Variants in NHS observed in about 807,000 individuals in gnomAD.
NHS encodes actin remodeling regulator NHS.
A neutral mutation model predicts 72.5 loss-of-function variants in NHS; 5 were observed. That is an observed-to-expected ratio of 0.07 (90% CI 0.04 to 0.14). The LOEUF (loss-of-function observed/expected upper bound fraction) is 0.14, where lower values mean the gene tolerates loss of function less well. Among genes scored for constraint, NHS ranks in the 10% least tolerant of loss-of-function variants. NHS has a pLI of 1.00. For missense variants in NHS, 1,072 were observed against 1,355.7 expected, an observed-to-expected ratio of 0.79 and a Z score of 3.29; for synonymous variants, 464 against 547.7, an observed-to-expected ratio of 0.85 and a Z score of 2.13.
intron 1 of NHS, among the ~76,000 whole-genome samples, chrX:17,475,843 C>G: frequency 1.8e-5 from 2 of 112,143 alleles, no homozygotes; most frequent in Non-Finnish European, 3.8e-5. Context: ...TCGCCTCGTC[C>G]TTTTCCTATC....
At chrX:17,515,127 G>A (rs1461100662) in intron 1 of NHS, among the ~76,000 whole-genome samples, 2 of 111,886 alleles carry the variant, frequency 1.8e-5, no homozygotes, top group Non-Finnish European at 1.9e-5. Flanking sequence ...TGGATTCTTT[G>A]TCAAACATAC....
intron 1 of NHS, among the ~76,000 whole-genome samples, chrX:17,651,475 T>C (rs898028728): frequency 1.8e-5 from 2 of 112,223 alleles, no homozygotes; most frequent in African/African-American, 3.2e-5. Context: ...ACCCCCAATA[T>C]TTCAGTGTCT....
intron 3 of NHS, among the ~76,000 whole-genome samples, chrX:17,711,518 TA>T (rs1360188747): frequency 8.9e-6 from 1 of 112,222 alleles, no homozygotes; most frequent in East Asian, 2.8e-4. Flanking sequence ...TATATAAAAT[TA>T]TTTTGCATTC....
chrX:17,682,009 C>G (rs1569307781), intron 1 of NHS, among the ~76,000 whole-genome samples: 1 of 110,873 alleles, frequency 9.0e-6, no homozygotes, highest in Non-Finnish European at 1.9e-5. Flanking sequence ...AGGAAAGACT[C>G]TGGGAAACTG....
Position 17,409,832 on chromosome X carries a change from C to G in NHS, c.565+33510C>G, listed in dbSNP as rs180951214. Among the ~76,000 whole-genome samples the G allele has an allele frequency of 1.4e-3, 156 of 112,073 alleles. 1 individual carries two copies. Among genetic ancestry groups the G allele is most frequent in the African/African-American group, 4.7e-3 (146 of 30,872 alleles). The stretch of plus-strand genomic sequence containing the variant: ...TTACTAAGAAGGAGGAGAGCTAAAG[C>G]TTTCCTTTGGCAAATGGCACTGATT... On this transcript the variant is annotated intron_variant, in intron 1 of 8. Coordinates refer to ENST00000676302, the MANE Select transcript of NHS (RefSeq NM_001291867.2).
At chrX:17,634,432 A>G (rs1197896278) in intron 1 of NHS, among the ~76,000 whole-genome samples, 1 of 110,783 alleles carries the variant, frequency 9.0e-6, no homozygotes, top group Non-Finnish European at 1.9e-5. Flanking sequence ...CTCGTCTCCC[A>G]CTCTTCATTA....
At chrX:17,425,568 AAAAGAAAGAAAG>A (rs1474964907) in intron 1 of NHS, among the ~76,000 whole-genome samples, 6 of 77,081 alleles carry the variant, frequency 7.8e-5, no homozygotes, top group South Asian at 1.2e-3. Context: ...AAAAAAAAAA[AAAAGAAAGAAAG>A]AAAGAAAGAA....
At chrX:17,495,011 A>G (rs1376906796) in intron 1 of NHS, among the ~76,000 whole-genome samples, 1 of 111,952 alleles carries the variant, frequency 8.9e-6, no homozygotes, top group African/African-American at 3.2e-5. Flanking sequence ...CTTACTTCTA[A>G]ACTCACATTT....
At position 17,734,799 on chromosome X, in the gene NHS, C is replaced by T. The variant is rs982709834; in HGVS notation, c.*2335C>T. 10 of 111,969 alleles carry T rather than the reference C, an allele frequency of 8.9e-5. No homozygotes were observed. The highest frequency in any genetic ancestry group is 1.9e-4 in the Non-Finnish European group (10 of 53,160). The allele number at this position is 111,969 out of a possible 1,213,427, so 9.2% of individuals were successfully genotyped here. On this transcript the variant is annotated 3_prime_UTR_variant, in exon 9 of 9. Coordinates refer to ENST00000676302, the MANE Select transcript of NHS (RefSeq NM_001291867.2). ...TTTTTAGGCAAATGCGATAAGAAAC[C>T]GTCATTTCCAGTCACAGTAGGCGAT...
chrX:17,570,522 A>G (rs1601778172), intron 1 of NHS, among the ~76,000 whole-genome samples: 1 of 111,835 alleles, frequency 8.9e-6, no homozygotes, highest in African/African-American at 3.3e-5. Flanking sequence ...TTGATTTTGT[A>G]TCCTGAGACT....
rs1407536799 is a variant in NHS at position 17,734,730 on chromosome X, CTCA to C, written c.*2268_*2270del. 8.9e-6 allele frequency: 1 copy of C among 112,649 alleles called. No homozygotes were observed. The highest frequency in any genetic ancestry group is 1.9e-5 in the Non-Finnish European group (1 of 53,260). The allele number at this position is 112,649 out of a possible 1,213,427, so 9.3% of individuals were successfully genotyped here. A position where few individuals can be genotyped will look rare whatever the true frequency, so the allele number is the denominator to read the frequency against. ...CACATGGGAACATGAATAAATCTGT[CTCA>C]TGATTTGAAAAGTACACCTTGCAAA... On this transcript the variant is annotated 3_prime_UTR_variant, in exon 9 of 9. Coordinates refer to ENST00000676302, the MANE Select transcript of NHS (RefSeq NM_001291867.2).
intron 1 of NHS, among the ~76,000 whole-genome samples, chrX:17,422,106 C>A (rs901348180): frequency 4.5e-5 from 5 of 112,019 alleles, no homozygotes; most frequent in Admixed American, 3.8e-4. Flanking sequence ...ACAGTAACTA[C>A]TATTCAGACC....
At chrX:17,630,800 G>T (rs2065820158) in intron 1 of NHS, among the ~76,000 whole-genome samples, 1 of 111,738 alleles carries the variant, frequency 8.9e-6, no homozygotes, top group Non-Finnish European at 1.9e-5. Context: ...AGAGTTGGGA[G>T]GAGGGGCATT....
intron 1 of NHS, among the ~76,000 whole-genome samples, chrX:17,606,843 G>A (rs1440441336): frequency 8.9e-6 from 1 of 112,340 alleles, no homozygotes; most frequent in Non-Finnish European, 1.9e-5. Context: ...GAGCTTGGCA[G>A]GAGGAGTTCA....
At position 17,733,650 on chromosome X, in the gene NHS, G is replaced by A. The variant is rs2066502907; in HGVS notation, c.*1186G>A. On this transcript the variant is annotated 3_prime_UTR_variant, in exon 9 of 9. Coordinates refer to ENST00000676302, the MANE Select transcript of NHS (RefSeq NM_001291867.2). The stretch of plus-strand genomic sequence containing the variant: ...TTCTCTCTGTGCTGATGAGATTCAT[G>A]CTACCTAAAAATTAACAGAAATGAC... The A allele has an allele frequency of 1.8e-5, 2 of 112,376 alleles. No homozygotes were observed. Among genetic ancestry groups the A allele is most frequent in the Non-Finnish European group, 3.8e-5 (2 of 53,239 alleles). The allele number at this position is 112,376 out of a possible 1,213,427, so 9.3% of individuals were successfully genotyped here.
At chrX:17,598,670 A>C (rs753593251) in intron 1 of NHS, among the ~76,000 whole-genome samples, 1 of 111,751 alleles carries the variant, frequency 8.9e-6, no homozygotes, top group Non-Finnish European at 1.9e-5. Flanking sequence ...CTGGGATTTG[A>C]ACCAAGGCAA....
At chrX:17,434,235 T>C (rs1888783379) in intron 1 of NHS, among the ~76,000 whole-genome samples, 1 of 111,617 alleles carries the variant, frequency 9.0e-6, no homozygotes, top group South Asian at 3.8e-4. Flanking sequence ...TAGCAGTGTG[T>C]CCAGAGGAAA....
At chrX:17,435,810 C>A (rs1417331017) in intron 1 of NHS, among the ~76,000 whole-genome samples, 2 of 112,112 alleles carry the variant, frequency 1.8e-5, no homozygotes, top group African/African-American at 6.5e-5. Flanking sequence ...GAGGAGTCCA[C>A]TGGCTGTTGT....
chrX:17,430,354 TTTC>T (rs1166158994), intron 1 of NHS, among the ~76,000 whole-genome samples: 4 of 96,030 alleles, frequency 4.2e-5, no homozygotes, highest in African/African-American at 1.6e-4. Flanking sequence ...TTTCTTTCTT[TTTC>T]TTCTTTCTTT....
Sources: allele counts gnomAD v4.1 joint callset (sites outside exome capture counted in the v4.1 genomes callset), GRCh38; gene constraint gnomAD v4.1.1; transcripts MANE v1.5; gene names NCBI Gene and HGNC (gene_info 2026-07-23, HGNC 2026-07-21).